Variants in FGD4 observed in about 807,000 individuals in gnomAD.
FGD4 encodes the protein FYVE, RhoGEF and PH domain containing 4, also known as FYVE, RhoGEF and PH domain-containing protein 4.
In FGD4, 42 loss-of-function variants were observed where a neutral mutation model predicts 102.0. The ratio of observed to expected loss-of-function variants is 0.41; its 90% confidence interval spans 0.32 to 0.53. FGD4 has a LOEUF of 0.53. Ranked by LOEUF, FGD4 falls within the 20% of genes least tolerant of loss-of-function variation. The pLI is 0.21. For synonymous variants in FGD4, 380 were observed against 375.7 expected (o/e 1.01, Z -0.13); for missense variants, 902 against 1,078.2 (o/e 0.84, Z 2.29).
chr12:32,557,142 G>A (rs934084774), intron 1 of FGD4: 1 of 152,216 alleles, frequency 6.6e-6, no homozygotes, highest in East Asian at 1.9e-4. Context: ...CCTGCGCCAC[G>A]ATGCCCAGCA....
At chr12:32,639,599 T>C (rs1360022425) in intron 16 of FGD4, among the ~76,000 whole-genome samples, 1 of 152,234 alleles carries the variant, frequency 6.6e-6, no homozygotes, top group Non-Finnish European at 1.5e-5. Flanking sequence ...CCCACGTATA[T>C]GGATCTGAGA....
At chr12:32,638,529 T>C (rs1274848429) in intron 15 of FGD4, 126 bp from the exon 16 acceptor site, 4 of 1,281,996 alleles carry the variant, frequency 3.1e-6, no homozygotes, top group Middle Eastern at 2.4e-4. Context: ...GTTTAAACAA[T>C]AATTGCAAAT....
At chr12:32,617,704 ACTT>A (rs1949531074) in intron 10 of FGD4, among the ~76,000 whole-genome samples, 1 of 152,192 alleles carries the variant, frequency 6.6e-6, no homozygotes, top group South Asian at 2.1e-4. Flanking sequence ...AGTTGCTATA[ACTT>A]CTTTTTTCAG....
At chr12:32,592,222 A>G (rs922894304) in intron 4 of FGD4, among the ~76,000 whole-genome samples, 1 of 151,984 alleles carries the variant, frequency 6.6e-6, no homozygotes, top group Non-Finnish European at 1.5e-5. Flanking sequence ...AGCTGGGACT[A>G]CAGGCGTGCG....
chr12:32,544,733 A>C lies in FGD4; in HGVS notation c.167-19404A>C, dbSNP rs1202331856. 1.4e-5 allele frequency among the ~76,000 whole-genome samples: 1 copy of C among 72,688 alleles called. No homozygotes were observed. Among genetic ancestry groups the C allele is most frequent in the African/African-American group, 1.0e-4 (1 of 9,910 alleles). 47.7% of individuals were successfully genotyped at this position (72,688 alleles called of 152,430 possible). On this transcript the variant is annotated intron_variant, in intron 1 of 16. Coordinates refer to ENST00000534526, the MANE Select transcript of FGD4 (RefSeq NM_001370298.3). The surrounding 1 kb of genome is among the most constrained non-coding windows in gnomAD (Gnocchi z 4.1). ...GTGACAGAAGGATACTCTGTCTCCA[A>C]AAAAAAAAAATTACTATTAAAATTA...
At chr12:32,447,060 C>A (rs545547503) in intron 1 of FGD4, among the ~76,000 whole-genome samples, 1 of 152,256 alleles carries the variant, frequency 6.6e-6, no homozygotes, top group South Asian at 2.1e-4. Flanking sequence ...TCCCTATATA[C>A]ACACAAAACC....
intron 1 of FGD4, among the ~76,000 whole-genome samples, chr12:32,453,262 C>G (rs1372783599): frequency 7.3e-6 from 1 of 136,924 alleles, no homozygotes; most frequent in Non-Finnish European, 1.5e-5. Context: ...AATGTAGAGC[C>G]TCACTCTGTT....
rs1443192017 is a variant in FGD4 at position 32,519,124 on chromosome 12, A to G, written c.167-45013A>G. On this transcript the variant is annotated intron_variant, in intron 1 of 16. Coordinates refer to ENST00000534526, the MANE Select transcript of FGD4 (RefSeq NM_001370298.3). ...AAAGCAAAACTCCGTCTCAGGAAAA[A>G]AAAAAAAAAAAAAAAAAAGCCTCCC... 1.4e-3 allele frequency among the ~76,000 whole-genome samples: 211 copies of G among 148,734 alleles called. 4 individuals carry two copies. In the East Asian group the frequency reaches 0.014, roughly 10 times the overall value.
intron 1 of FGD4, among the ~76,000 whole-genome samples, chr12:32,455,554 G>A (rs1176097713): frequency 6.6e-6 from 1 of 152,048 alleles, no homozygotes; most frequent in African/African-American, 2.4e-5. Context: ...ACGTACAAAG[G>A]TATTTACCCA....
chr12:32,558,660 G>A (rs1033211663), intron 1 of FGD4, among the ~76,000 whole-genome samples: 4 of 152,192 alleles, frequency 2.6e-5, no homozygotes, highest in African/African-American at 9.7e-5. Flanking sequence ...CAATCGTAGG[G>A]CATATCTACC....
At chr12:32,626,446 G>GA (rs34938382) in intron 14 of FGD4, among the ~76,000 whole-genome samples, 1,154 of 101,800 alleles carry the variant, frequency 0.011, 4 homozygotes, top group Middle Eastern at 0.03. Context: ...CTCCATCTCA[G>GA]AAAAAAAAAA....
intron 1 of FGD4, among the ~76,000 whole-genome samples, chr12:32,445,323 A>G (rs1942580059): frequency 6.6e-6 from 1 of 152,248 alleles, no homozygotes; most frequent in Non-Finnish European, 1.5e-5. Context: ...TAATATTTGT[A>G]AAAAGTCCTC....
At chr12:32,406,550 T>C (rs1196357547) in intron 1 of FGD4, among the ~76,000 whole-genome samples, 1 of 151,116 alleles carries the variant, frequency 6.6e-6, no homozygotes, top group Non-Finnish European at 1.5e-5. Context: ...CTAGACTCCA[T>C]CTCAAAAAAA....
chr12:32,434,321 T>G (rs1331787250), intron 1 of FGD4, among the ~76,000 whole-genome samples: 8 of 152,238 alleles, frequency 5.3e-5, no homozygotes, highest in Admixed American at 5.2e-4. Flanking sequence ...TGTGTGAGTT[T>G]GCATTAGATG....
chr12:32,628,485 T>G (rs961323796), intron 14 of FGD4, among the ~76,000 whole-genome samples: 4 of 151,998 alleles, frequency 2.6e-5, no homozygotes, highest in African/African-American at 9.7e-5. Context: ...AAGTGGGAGA[T>G]GGCGACTGAA....
At chr12:32,596,707 G>A (rs12299134) in intron 4 of FGD4, among the ~76,000 whole-genome samples, 1 of 151,724 alleles carries the variant, frequency 6.6e-6, no homozygotes, top group Non-Finnish European at 1.5e-5. Flanking sequence ...GGGCTGAGGC[G>A]GGCGGATCAC....
chr12:32,623,358 A>C (rs1324902143), intron 11 of FGD4, among the ~76,000 whole-genome samples: 1 of 152,166 alleles, frequency 6.6e-6, no homozygotes, highest in Non-Finnish European at 1.5e-5. Flanking sequence ...AATTTAAAAA[A>C]AATTTTTTTT....
chr12:32,530,314 C>T (rs1340463667), intron 1 of FGD4, among the ~76,000 whole-genome samples: 1 of 152,104 alleles, frequency 6.6e-6, no homozygotes, highest in Non-Finnish European at 1.5e-5. Flanking sequence ...GAAACCCTGT[C>T]TCTACTAAAA....
At chr12:32,479,786 CT>C (rs559968024) in intron 1 of FGD4, among the ~76,000 whole-genome samples, 31,028 of 106,240 alleles carry the variant, frequency 0.29, 2,466 homozygotes, top group South Asian at 0.4. Context: ...AAGCATTATT[CT>C]TTTTTTTTTT....
Sources: allele counts gnomAD v4.1 joint callset (sites outside exome capture counted in the v4.1 genomes callset), GRCh38; gene constraint gnomAD v4.1.1; non-coding constraint Gnocchi (gnomAD v3.1); transcripts MANE v1.5; gene names NCBI Gene and HGNC (gene_info 2026-07-23, HGNC 2026-07-21).